MORC1: variants seen among roughly 807,000 people sequenced by gnomAD.
MORC1 encodes MORC family CW-type zinc finger 1.
Under a neutral mutation model 134.9 loss-of-function variants are expected in MORC1, and 59 were observed. That is an observed-to-expected ratio of 0.44 (90% confidence interval 0.35 to 0.54). The LOEUF (loss-of-function observed/expected upper bound fraction) is 0.54, where lower values mean the gene tolerates loss of function less well. Ranked by LOEUF, MORC1 falls within the 20% of genes least tolerant of loss-of-function variation. The probability of loss-of-function intolerance (pLI) is 0.00; values close to 1 mark genes in which losing one functional copy is unlikely to be tolerated. For synonymous variants in MORC1, 395 were observed against 391.7 expected (o/e 1.01, Z -0.10); for missense variants, 947 against 1,134.5 (o/e 0.83, Z 2.37).
chr3:108,980,674 C>A (rs1467162407), intron 23 of MORC1, among the ~76,000 whole-genome samples: 1 of 152,110 alleles, frequency 6.6e-6, no homozygotes, highest in Non-Finnish European at 1.5e-5. Context: ...GATGTGGTTA[C>A]AATATTACCA....
chr3:109,054,681 A>C, intron 14 of MORC1, 47 bp downstream of exon 14: 1 of 1,394,698 alleles, frequency 7.2e-7, no homozygotes, highest in Non-Finnish European at 9.4e-7. Flanking sequence ...AATCACAGAA[A>C]GTAATCCCTC....
intron 21 of MORC1, among the ~76,000 whole-genome samples, chr3:108,987,769 T>C (rs559556994): frequency 7.5e-4 from 113 of 149,880 alleles, no homozygotes; most frequent in African/African-American, 2.6e-3. Context: ...ATACCTTAGA[T>C]GAGAGAGAGA....
intron 26 of MORC1, among the ~76,000 whole-genome samples, chr3:108,967,761 G>A (rs1947261696): frequency 6.6e-6 from 1 of 152,070 alleles, no homozygotes; most frequent in Non-Finnish European, 1.5e-5. Context: ...GCTAAGCCAG[G>A]AGGACTGCTG....
intron 21 of MORC1, among the ~76,000 whole-genome samples, chr3:108,992,563 C>T (rs76977761): frequency 0.017 from 2,560 of 152,180 alleles, 69 homozygotes; most frequent in African/African-American, 0.058. Flanking sequence ...AAACTCAAAA[C>T]GTGACTCCAT....
chr3:109,111,640 G>A (rs1951171385), intron 2 of MORC1, among the ~76,000 whole-genome samples: 1 of 152,200 alleles, frequency 6.6e-6, no homozygotes, highest in Admixed American at 6.5e-5. Context: ...AAAGGAGGAA[G>A]GCATAGGCAA....
intron 21 of MORC1, among the ~76,000 whole-genome samples, chr3:108,991,961 T>C (rs1948073624): frequency 6.6e-6 from 1 of 152,216 alleles, no homozygotes; most frequent in Non-Finnish European, 1.5e-5. Context: ...TCAGGAAGCA[T>C]CCATCCTACG....
In MORC1 at chr3:109,083,394, G is replaced by A. The variant is rs1003144447; in HGVS notation, c.689+10042C>T. Among the ~76,000 whole-genome samples, 10 of 151,434 alleles carry A rather than the reference G, an allele frequency of 6.6e-5. No homozygotes were observed. The East Asian group carries it at 1.9e-3, about 29-fold the overall frequency. On this transcript the variant is annotated intron_variant, in intron 8 of 27. Coordinates refer to ENST00000232603, the MANE Select transcript of MORC1 (RefSeq NM_014429.4). ...AAACCCAGAATACTATAATTGTGGT[G>A]TACAATCTACTCATTATGCTAGTAT...
intron 14 of MORC1, among the ~76,000 whole-genome samples, chr3:109,041,083 G>A (rs1405183130): frequency 6.6e-6 from 1 of 151,772 alleles, no homozygotes; most frequent in East Asian, 2.0e-4. Context: ...AGGCCAAGGT[G>A]GGTGGATCAC....
intron 17 of MORC1, among the ~76,000 whole-genome samples, chr3:109,023,012 G>A (rs1948994439): frequency 6.6e-6 from 1 of 152,180 alleles, no homozygotes; most frequent in Non-Finnish European, 1.5e-5. Flanking sequence ...AAGGAAGAAG[G>A]TACTTTTCTA....
chr3:109,106,148 C>T (rs1259739888), intron 3 of MORC1, among the ~76,000 whole-genome samples: 2 of 152,182 alleles, frequency 1.3e-5, no homozygotes, highest in Non-Finnish European at 2.9e-5. Context: ...GGTATTTTCT[C>T]GTAAAATTTC....
At chr3:108,992,564 G>A (rs534280314) in intron 21 of MORC1, among the ~76,000 whole-genome samples, 11 of 152,160 alleles carry the variant, frequency 7.2e-5, no homozygotes, top group African/African-American at 1.9e-4. Context: ...AACTCAAAAC[G>A]TGACTCCATC....
intron 2 of MORC1, 64 bp from the exon 3 acceptor site, chr3:109,110,847 C>T: frequency 8.0e-7 from 1 of 1,246,018 alleles, no homozygotes; most frequent in Non-Finnish European, 1.1e-6. Context: ...AAGGTATAAC[C>T]TATTGTCAGA....
intron 24 of MORC1, among the ~76,000 whole-genome samples, chr3:108,975,453 T>C (rs767587446): frequency 2.0e-5 from 3 of 152,124 alleles, no homozygotes; most frequent in Non-Finnish European, 4.4e-5. Context: ...AGAGATGAAA[T>C]AAATGGAGTC....
At chr3:108,967,841 C>T (rs940852152) in intron 26 of MORC1, among the ~76,000 whole-genome samples, 3 of 151,250 alleles carry the variant, frequency 2.0e-5, no homozygotes, top group East Asian at 1.9e-4. Flanking sequence ...ACAAGCGACA[C>T]GAAAATAGAG....
rs575687150 is a variant in MORC1, at chr3:109,111,966, G to A, written c.120-1183C>T. 2.8e-4 allele frequency among the ~76,000 whole-genome samples: 42 copies of A among 152,120 alleles called. 1 individual carries two copies. Among genetic ancestry groups the A allele is most frequent in the Admixed American group, 1.4e-3 (21 of 15,276 alleles). ...CCCATGTATCAAGTAAGCACTGAAT[G>A]GTGTATTTTTGAAAATTCTCTTCCG... is the stretch of plus-strand genomic sequence containing the variant. On this transcript the variant is annotated intron_variant, in intron 2 of 27. Transcript: ENST00000232603.
intron 16 of MORC1, among the ~76,000 whole-genome samples, chr3:109,029,639 T>C (rs2107602425): frequency 6.6e-6 from 1 of 152,296 alleles, no homozygotes; most frequent in South Asian, 2.1e-4. Flanking sequence ...TCTCAGATAC[T>C]GTGTCAAAAA....
At chr3:108,968,565 T>C (rs1287768371) in intron 26 of MORC1, among the ~76,000 whole-genome samples, 1 of 152,234 alleles carries the variant, frequency 6.6e-6, no homozygotes, top group African/African-American at 2.4e-5. Context: ...CTTGGACTTT[T>C]GGCTAAGATC....
chr3:109,087,259 C>A, intron 8 of MORC1, among the ~76,000 whole-genome samples: 1 of 151,898 alleles, frequency 6.6e-6, no homozygotes, highest in African/African-American at 2.4e-5. Flanking sequence ...TAAAAGGCAT[C>A]CAAATAGGAA....
At chr3:108,985,645 TTTTTAAC>T (rs1947875967) in intron 22 of MORC1, among the ~76,000 whole-genome samples, 1 of 152,180 alleles carries the variant, frequency 6.6e-6, no homozygotes, top group Non-Finnish European at 1.5e-5. Flanking sequence ...AAAGTGAAAA[TTTTTAAC>T]CCAACAGCTA....
Sources: allele counts gnomAD v4.1 joint callset (sites outside exome capture counted in the v4.1 genomes callset), GRCh38; gene constraint gnomAD v4.1.1; transcripts MANE v1.5; gene names NCBI Gene and HGNC (gene_info 2026-07-23, HGNC 2026-07-21).